Variants in CHST11 observed in about 807,000 individuals in gnomAD.
The protein encoded by CHST11 is carbohydrate sulfotransferase 11, also known as C4S-1.
A neutral mutation model predicts 30.4 loss-of-function variants in CHST11; 9 were observed. The observed-to-expected ratio is 0.30, with a 90% confidence interval of 0.18 to 0.52. The LOEUF (loss-of-function observed/expected upper bound fraction) is 0.52, where lower values mean the gene tolerates loss of function less well. CHST11 is among the 20% of genes least tolerant of loss of function. The pLI is 0.97. For missense variants in CHST11, 348 were observed against 460.6 expected (o/e 0.76, Z 2.24); for synonymous variants, 152 against 187.8 (o/e 0.81, Z 1.56).
At chr12:104,524,475 G>T (rs932803366) in intron 1 of CHST11, among the ~76,000 whole-genome samples, 2 of 152,144 alleles carry the variant, frequency 1.3e-5, no homozygotes, top group Non-Finnish European at 2.9e-5. Context: ...TAGGGAATGA[G>T]TTCTTGACAG....
chr12:104,488,509 A>ATG (rs1209928510), intron 1 of CHST11, among the ~76,000 whole-genome samples: 4 of 144,070 alleles, frequency 2.8e-5, no homozygotes, highest in Admixed American at 1.4e-4. Context: ...GTCCGTGTAT[A>ATG]TGTGTGTGTA....
At chr12:104,614,733 C>T (rs920816535) in intron 2 of CHST11, among the ~76,000 whole-genome samples, 3 of 150,772 alleles carry the variant, frequency 2.0e-5, no homozygotes, top group Non-Finnish European at 4.4e-5. Flanking sequence ...TTGGTCATCC[C>T]GACAGAGCAA....
chr12:104,710,356 C>T (rs1404543706), intron 2 of CHST11, among the ~76,000 whole-genome samples: 1 of 152,208 alleles, frequency 6.6e-6, no homozygotes, highest in Non-Finnish European at 1.5e-5. Context: ...TGTCTCCAGA[C>T]TGGGCAGACA....
rs77651849 is a variant in CHST11, at chr12:104,745,524, T to G, written c.205-11425T>G. ...ATAGCATTGAATATATAAATTGCTTTAGGCAGTAGGGCCATTTTAATGATA... is the reference window on the plus strand; with the variant it reads ...ATAGCATTGAATATATAAATTGCTTGAGGCAGTAGGGCCATTTTAATGATA... On this transcript the variant is annotated intron_variant, in intron 2 of 2. Coordinates refer to ENST00000303694, the MANE Select transcript of CHST11 (RefSeq NM_018413.6). Among the ~76,000 whole-genome samples, 343 of 152,342 alleles carry G rather than the reference T, an allele frequency of 2.3e-3. 7 individuals are homozygous for G. The East Asian group carries it at 0.048, about 21-fold the overall frequency.
rs916110857 is a variant in CHST11, at chr12:104,753,121, T to C, written c.205-3828T>C. Reference sequence around the variant, plus strand: ...TCTGCTTCTCTTAGAAGGAGGCACCTTGGGCAGTCACTTTGCCTGTCTCAG... The same window carrying C: ...TCTGCTTCTCTTAGAAGGAGGCACCCTGGGCAGTCACTTTGCCTGTCTCAG... On this transcript the variant is annotated intron_variant, in intron 2 of 2. Transcript: ENST00000303694. 7.2e-5 allele frequency among the ~76,000 whole-genome samples: 11 copies of C among 152,318 alleles called. 1 individual carries two copies. Among genetic ancestry groups the C allele is most frequent in the Admixed American group, 1.3e-4 (2 of 15,296 alleles).
intron 1 of CHST11, among the ~76,000 whole-genome samples, chr12:104,470,631 G>A (rs2037499878): frequency 6.6e-6 from 1 of 152,166 alleles, no homozygotes; most frequent in Admixed American, 6.5e-5. Context: ...CCAAATACTT[G>A]CTCTGTATCA....
intron 2 of CHST11, among the ~76,000 whole-genome samples, chr12:104,713,494 A>G (rs1248420344): frequency 6.6e-6 from 1 of 152,132 alleles, no homozygotes; most frequent in Non-Finnish European, 1.5e-5. Context: ...GCCAAATGTA[A>G]AGAAATTTTT....
intron 1 of CHST11, among the ~76,000 whole-genome samples, chr12:104,571,838 T>C (rs1000963299): frequency 1.3e-5 from 2 of 152,228 alleles, no homozygotes; most frequent in African/African-American, 2.4e-5. Flanking sequence ...CAGTATGATA[T>C]TGGCTGTGGG....
At chr12:104,742,547 C>T (rs565247187) in intron 2 of CHST11, among the ~76,000 whole-genome samples, 17 of 152,348 alleles carry the variant, frequency 1.1e-4, no homozygotes, top group South Asian at 8.3e-4. Context: ...CCTTCCTCAC[C>T]GTTGTTCCTG....
At chr12:104,674,046 C>T (rs1003518903) in intron 2 of CHST11, among the ~76,000 whole-genome samples, 1 of 152,188 alleles carries the variant, frequency 6.6e-6, no homozygotes, top group East Asian at 1.9e-4. Context: ...GATTTCCTCC[C>T]CTGAGTCTGA....
chr12:104,662,530 A>AT (rs1177775693), intron 2 of CHST11, among the ~76,000 whole-genome samples: 2 of 152,174 alleles, frequency 1.3e-5, no homozygotes, highest in Non-Finnish European at 2.9e-5. Flanking sequence ...AATGATAACG[A>AT]TTTTTAGGCC....
At chr12:104,648,261 T>C (rs2039454986) in intron 2 of CHST11, among the ~76,000 whole-genome samples, 1 of 152,172 alleles carries the variant, frequency 6.6e-6, no homozygotes, top group East Asian at 1.9e-4. Context: ...CCGAAAACCT[T>C]AGGTACCTGA....
At chr12:104,490,798 CTAAAGAGACAATAT>C (rs2037737433) in intron 1 of CHST11, among the ~76,000 whole-genome samples, 1 of 152,138 alleles carries the variant, frequency 6.6e-6, no homozygotes, top group Non-Finnish European at 1.5e-5. Context: ...TGTGGCAGAT[CTAAAGAGACAATAT>C]TTTGATCTCA....
chr12:104,572,709 G>C (rs925360353), intron 1 of CHST11, among the ~76,000 whole-genome samples: 2 of 151,892 alleles, frequency 1.3e-5, no homozygotes, highest in Non-Finnish European at 2.9e-5. Flanking sequence ...TTGTGTCTCT[G>C]TCTCCTTCAG....
intron 2 of CHST11, among the ~76,000 whole-genome samples, chr12:104,687,291 A>C (rs1248913174): frequency 6.6e-6 from 1 of 152,246 alleles, no homozygotes; most frequent in South Asian, 2.1e-4. Context: ...TGTTGACTGA[A>C]TTCGTAAAAG....
At chr12:104,494,223 C>T (rs1360680279) in intron 1 of CHST11, among the ~76,000 whole-genome samples, 1 of 152,176 alleles carries the variant, frequency 6.6e-6, no homozygotes, top group Non-Finnish European at 1.5e-5. Flanking sequence ...AAGGAGATCC[C>T]CTCTGAAGAG....
chr12:104,722,735 G>A (rs2040187742), intron 2 of CHST11, among the ~76,000 whole-genome samples: 1 of 151,862 alleles, frequency 6.6e-6, no homozygotes, highest in Non-Finnish European at 1.5e-5. Context: ...TCCCCCTGCA[G>A]GTCATCTTTC....
intron 1 of CHST11, among the ~76,000 whole-genome samples, chr12:104,540,456 T>C (rs1003407895): frequency 6.6e-6 from 1 of 152,224 alleles, no homozygotes; most frequent in Non-Finnish European, 1.5e-5. Context: ...GCAGGCCACT[T>C]TTTGGGGAGA....
intron 2 of CHST11, among the ~76,000 whole-genome samples, chr12:104,624,088 G>A (rs2039187940): frequency 1.3e-5 from 2 of 152,124 alleles, no homozygotes; most frequent in Admixed American, 6.5e-5. Flanking sequence ...ATTGCTGAGC[G>A]GAATCTCAGA....
Sources: allele counts gnomAD v4.1 joint callset (sites outside exome capture counted in the v4.1 genomes callset), GRCh38; gene constraint gnomAD v4.1.1; transcripts MANE v1.5; gene names NCBI Gene and HGNC (gene_info 2026-07-23, HGNC 2026-07-21).